GPAT4: variants seen among roughly 807,000 people sequenced by gnomAD.
GPAT4 encodes the protein 1-AGP acyltransferase 6.
A neutral mutation model predicts 58.0 loss-of-function variants in GPAT4; 17 were observed. That is an observed-to-expected ratio of 0.29 (90% CI 0.20 to 0.44). The LOEUF is 0.44. Ranked by LOEUF, GPAT4 falls within the 20% of genes least tolerant of loss-of-function variation. The pLI is 1.00. For synonymous variants in GPAT4, 204 were observed against 210.1 expected (o/e 0.97, Z 0.25); for missense variants, 377 against 574.5 (o/e 0.66, Z 3.51).
At chr8:41,610,274 CCT>C in intron 4 of GPAT4, 1 of 1,246,254 alleles carries the variant, frequency 8.0e-7, no homozygotes, top group Non-Finnish European at 1.0e-6. Context: ...CTGAAGCTTG[CCT>C]CTCAGGTACA....
intron 7 of GPAT4, 38 bp from the exon 8 acceptor site, chr8:41,612,807 A>T: frequency 6.4e-7 from 1 of 1,557,372 alleles, no homozygotes; most frequent in Non-Finnish European, 8.8e-7. Context: ...TCGTGTGAAG[A>T]TGGCTTCACT....
At chr8:41,605,978 G>A (rs939151407) in intron 2 of GPAT4, among the ~76,000 whole-genome samples, 7 of 152,226 alleles carry the variant, frequency 4.6e-5, no homozygotes, top group Non-Finnish European at 8.8e-5. Flanking sequence ...GGAGGGCAGA[G>A]GACAGGGCAT....
intron 11 of GPAT4, 30 bp downstream of exon 11, chr8:41,618,842 C>T (rs1051128902): frequency 6.8e-6 from 11 of 1,614,120 alleles, no homozygotes; most frequent in Non-Finnish European, 9.3e-6. Context: ...AGGTCTGCGC[C>T]TGCTCTGTGT....
chr8:41,614,498 CTGA>C, intron 9 of GPAT4, 57 bp downstream of exon 9: 1 of 1,537,746 alleles, frequency 6.5e-7, no homozygotes, highest in Non-Finnish European at 8.9e-7. Context: ...GAGTGTGATG[CTGA>C]TGTTTCCTGG....
At chr8:41,612,019 G>A (rs1218213184) in intron 6 of GPAT4, 27 bp downstream of exon 6, 2 of 1,612,410 alleles carry the variant, frequency 1.2e-6, no homozygotes, top group African/African-American at 1.3e-5. Flanking sequence ...TTGATAGGAA[G>A]GGAGATGGCG....
intron 8 of GPAT4, 45 bp from the exon 9 acceptor site, chr8:41,614,341 T>A (rs1339013021): frequency 6.7e-7 from 1 of 1,491,506 alleles, no homozygotes; most frequent in Non-Finnish European, 9.2e-7. Context: ...TTTGACGATG[T>A]GTATAAGGTT....
At chr8:41,600,976 T>C (rs567256798) in intron 2 of GPAT4, among the ~76,000 whole-genome samples, 2 of 152,164 alleles carry the variant, frequency 1.3e-5, no homozygotes, top group African/African-American at 2.4e-5. Flanking sequence ...TATATTTTAC[T>C]GTATGTCTCT....
intron 1 of GPAT4, among the ~76,000 whole-genome samples, chr8:41,583,663 C>G (rs549634257): frequency 5.3e-5 from 8 of 152,054 alleles, no homozygotes; most frequent in Admixed American, 4.6e-4. Flanking sequence ...CAAGGTCACA[C>G]GTGGTTAGTG....
At chr8:41,612,386 C>A in intron 7 of GPAT4, 113 bp downstream of exon 7, 1 of 1,018,144 alleles carries the variant, frequency 9.8e-7, no homozygotes, top group South Asian at 1.5e-5. Flanking sequence ...GGCCAGGCCC[C>A]CACCTTACTG....
chr8:41,619,945 A>G (rs1344876325), intron 12 of GPAT4, among the ~76,000 whole-genome samples: 1 of 152,200 alleles, frequency 6.6e-6, no homozygotes, highest in Non-Finnish European at 1.5e-5. Context: ...GCAGCGCTGT[A>G]AACAGTGTTC....
At chr8:41,607,539 T>C (rs972593588) in intron 2 of GPAT4, among the ~76,000 whole-genome samples, 2 of 145,820 alleles carry the variant, frequency 1.4e-5, no homozygotes, top group East Asian at 3.9e-4. Flanking sequence ...AGTTTCTCTC[T>C]CTTTTTTTTT....
intron 2 of GPAT4, among the ~76,000 whole-genome samples, chr8:41,600,178 A>G (rs34709394): frequency 0.085 from 12,888 of 151,728 alleles, 605 homozygotes; most frequent in Middle Eastern, 0.17. Flanking sequence ...AGCTGGGACT[A>G]CAGGCCCATG....
chr8:41,584,941 A>G (rs953629258), intron 1 of GPAT4: 12 of 152,088 alleles, frequency 7.9e-5, no homozygotes, highest in African/African-American at 2.9e-4. Flanking sequence ...TCCTTTGGCC[A>G]GTTGGATCCT....
chr8:41,614,968 T>A lies in GPAT4; in HGVS notation c.973T>A (p.Cys325Ser). The A allele has an allele frequency of 6.2e-7, 1 of 1,613,844 alleles. No individual in the cohort carries two copies. Among genetic ancestry groups the A allele is most frequent in the East Asian group, 2.2e-5 (1 of 44,880 alleles). ...LPILIFPEGT[C>S]INNTSVMMFK... is the part of the protein sequence containing the mutation. The stretch of plus-strand genomic sequence containing the variant: ...TATTGTCTCCTGCATTTTAGGAACC[T>A]GCATCAATAATACATCGGTGATGAT... Residue 325 changes from cysteine to serine, a missense_variant, in exon 10 of 13, where the codon TGC becomes AGC. Coordinates refer to ENST00000396987, the MANE Select transcript of GPAT4 (RefSeq NM_178819.4).
intron 8 of GPAT4, among the ~76,000 whole-genome samples, chr8:41,613,565 C>T (rs939662284): frequency 6.6e-6 from 1 of 152,106 alleles, no homozygotes; most frequent in East Asian, 1.9e-4. Context: ...GAACAAAGTA[C>T]TGCCCTGTTT....
chr8:41,619,854 T>C (rs756603421), intron 12 of GPAT4, among the ~76,000 whole-genome samples: 1 of 152,224 alleles, frequency 6.6e-6, no homozygotes, highest in East Asian at 1.9e-4. Flanking sequence ...AAAATGCTAG[T>C]GTGGATTGTG....
chr8:41,593,107 A>G (rs1802836994), intron 1 of GPAT4, among the ~76,000 whole-genome samples: 1 of 152,208 alleles, frequency 6.6e-6, no homozygotes, highest in South Asian at 2.1e-4. Context: ...ATTGCTGTTA[A>G]TGACAGCACA....
rs61465079 is a variant in GPAT4, at chr8:41,595,325, C to CT, written c.-848-2939dup. On this transcript the variant is annotated intron_variant, in intron 1 of 12. Transcript: ENST00000396987. ...TTTCAGTGGTTAATGTTAAATCTTC[C>CT]TTTTTTTTTTTTTTTTTTTTTTTTT... 5.5e-3 allele frequency among the ~76,000 whole-genome samples: 408 copies of CT among 73,842 alleles called. 8 individuals are homozygous for CT. The highest frequency in any genetic ancestry group is 0.013 in the Middle Eastern group (1 of 78). 48.4% of individuals were successfully genotyped at this position (73,842 alleles called of 152,430 possible).
chr8:41,607,662 G>A (rs531114413), intron 2 of GPAT4, among the ~76,000 whole-genome samples: 8 of 151,942 alleles, frequency 5.3e-5, no homozygotes, highest in African/African-American at 1.9e-4. Context: ...TGGAGTAGCT[G>A]GGACTACAGG....
Sources: allele counts gnomAD v4.1 joint callset (sites outside exome capture counted in the v4.1 genomes callset), GRCh38; gene constraint gnomAD v4.1.1; transcripts MANE v1.5; gene names NCBI Gene and HGNC (gene_info 2026-07-23, HGNC 2026-07-21).